Variants in EPB41L3 observed in about 807,000 individuals in gnomAD.
EPB41L3 encodes the protein band 4.1-like protein 3.
Under a neutral mutation model 127.1 loss-of-function variants are expected in EPB41L3, and 57 were observed. The observed-to-expected ratio is 0.45, with a 90% CI of 0.36 to 0.56. The LOEUF is 0.56. Ranked by LOEUF, EPB41L3 falls within the 20% of genes least tolerant of loss-of-function variation. The pLI is 0.00. For missense variants in EPB41L3, 1,273 were observed against 1,372.2 expected (o/e 0.93, Z 1.14); for synonymous variants, 572 against 549.5 (o/e 1.04, Z -0.57).
chr18:5,608,640 AG>A lies in EPB41L3; in HGVS notation c.-306+3699del, dbSNP rs1182178697. Among the ~76,000 whole-genome samples, 4 of 152,186 alleles carry A rather than the reference AG, an allele frequency of 2.6e-5. 1 individual carries two copies. Among genetic ancestry groups the A allele is most frequent in the Non-Finnish European group, 5.9e-5 (4 of 68,038 alleles). On this transcript the variant is annotated intron_variant, in intron 3 of 21. Transcript: ENST00000545076. ...AAGACCTGGCTCATAATCAATTTAA[AG>A]GGGGTAGGCTCTGGCTACCAATTAT...
intron 1 of EPB41L3, among the ~76,000 whole-genome samples, chr18:5,505,097 T>G (rs1343676907): frequency 6.6e-6 from 1 of 152,186 alleles, no homozygotes; most frequent in South Asian, 2.1e-4. Context: ...CCTATGACCA[T>G]GCATCTGTCA....
Position 5,489,254 on chromosome 18 carries a change from A to G in EPB41L3, c.-11-60T>C, listed in dbSNP as rs565529216. Reference sequence around the variant, plus strand: ...CGTGCCACTACCTTCCCTCTGCAAGAAAACTAGGATGCTCACCGTGAAAGG... The same window carrying G: ...CGTGCCACTACCTTCCCTCTGCAAGGAAACTAGGATGCTCACCGTGAAAGG... On this transcript the variant is annotated intron_variant, in intron 1 of 22. Transcript: ENST00000341928. 406 of 1,535,138 alleles carry G rather than the reference A, an allele frequency of 2.6e-4. 3 individuals are homozygous for G. In the South Asian group the frequency reaches 4.4e-3, roughly 17 times the overall value.
At chr18:5,604,098 T>A (rs1035304026) in intron 3 of EPB41L3, among the ~76,000 whole-genome samples, 1 of 152,054 alleles carries the variant, frequency 6.6e-6, no homozygotes, top group Admixed American at 6.6e-5. Context: ...CACATGTAAC[T>A]TCCACTCAGC....
Position 5,579,443 on chromosome 18 carries a change from C to T in EPB41L3, c.-306+32897G>A, listed in dbSNP as rs181340806. Among the ~76,000 whole-genome samples the T allele has an allele frequency of 1.4e-4, 21 of 152,238 alleles. 1 individual carries two copies. The East Asian group carries it at 4.1e-3, about 29-fold the overall frequency. On this transcript the variant is annotated intron_variant, in intron 3 of 21. Transcript: ENST00000545076. ...ACACCGATGAATACATATCATTAACCAAAGATTATTAGTAATCTAATTTTG... is the reference window on the plus strand; with the variant it reads ...ACACCGATGAATACATATCATTAACTAAAGATTATTAGTAATCTAATTTTG...
At chr18:5,437,004 A>G (rs1469401123) in intron 6 of EPB41L3, among the ~76,000 whole-genome samples, 3 of 152,172 alleles carry the variant, frequency 2.0e-5, no homozygotes, top group Non-Finnish European at 4.4e-5. Flanking sequence ...TTCTGCATAC[A>G]CTGCACAAAA....
chr18:5,580,105 C>T (rs1328823677), intron 3 of EPB41L3, among the ~76,000 whole-genome samples: 2 of 152,116 alleles, frequency 1.3e-5, no homozygotes, highest in East Asian at 3.9e-4. Context: ...CTCCATTGCC[C>T]ATGCTCTAAA....
intron 3 of EPB41L3, among the ~76,000 whole-genome samples, chr18:5,470,968 TG>T (rs1326675721): frequency 1.3e-5 from 2 of 152,090 alleles, no homozygotes; most frequent in South Asian, 4.2e-4. Context: ...TGGACTAAAG[TG>T]GGAAGCTTCC....
At chr18:5,540,550 AAAT>A (rs2093689567) in intron 1 of EPB41L3, 1 of 985,482 alleles carries the variant, frequency 1.0e-6, no homozygotes, top group Admixed American at 6.1e-5. Flanking sequence ...AAGGCAAATC[AAAT>A]AACAGCAGAA....
chr18:5,535,427 T>C (rs1205818847), intron 1 of EPB41L3, among the ~76,000 whole-genome samples: 1 of 152,254 alleles, frequency 6.6e-6, no homozygotes, highest in Non-Finnish European at 1.5e-5. Flanking sequence ...CCAAGTCTTA[T>C]ACTTAGCCAG....
intron 6 of EPB41L3, among the ~76,000 whole-genome samples, chr18:5,437,245 C>T (rs573392089): frequency 3.9e-5 from 6 of 152,188 alleles, no homozygotes; most frequent in Middle Eastern, 3.4e-3. Flanking sequence ...GGGATTAGTG[C>T]CCTTACAAGA....
intron 1 of EPB41L3, among the ~76,000 whole-genome samples, chr18:5,529,833 A>G (rs1393193679): frequency 3.3e-5 from 5 of 152,058 alleles, no homozygotes; most frequent in Non-Finnish European, 7.3e-5. Context: ...TGGCTGATAC[A>G]TGAAGGCTAC....
chr18:5,620,876 G>C (rs2094852927), intron 1 of EPB41L3, among the ~76,000 whole-genome samples: 1 of 152,218 alleles, frequency 6.6e-6, no homozygotes, highest in Non-Finnish European at 1.5e-5. Context: ...CATAGTCAGA[G>C]TAACCTTTCC....
chr18:5,492,155 A>G (rs2090671460), intron 1 of EPB41L3, among the ~76,000 whole-genome samples: 1 of 152,146 alleles, frequency 6.6e-6, no homozygotes, highest in South Asian at 2.1e-4. Flanking sequence ...CCCTGTCTCT[A>G]CTAAAAATAC....
At chr18:5,438,574 A>T (rs1485659571) in intron 5 of EPB41L3, among the ~76,000 whole-genome samples, 2 of 152,186 alleles carry the variant, frequency 1.3e-5, no homozygotes, top group Non-Finnish European at 2.9e-5. Context: ...ATGTCAAGGG[A>T]CTATTCAACA....
intron 3 of EPB41L3, among the ~76,000 whole-genome samples, chr18:5,604,277 G>C (rs2094623754): frequency 6.6e-6 from 1 of 151,284 alleles, no homozygotes; most frequent in Non-Finnish European, 1.5e-5. Context: ...TGATCCCATA[G>C]CAGCAACAGT....
chr18:5,594,662 A>C (rs747885397), intron 3 of EPB41L3, among the ~76,000 whole-genome samples: 8 of 152,204 alleles, frequency 5.3e-5, no homozygotes, highest in Non-Finnish European at 1.2e-4. Flanking sequence ...CAGACTAAAA[A>C]ACCAGCTTTC....
chr18:5,523,142 C>T (rs1203543686), intron 1 of EPB41L3, among the ~76,000 whole-genome samples: 1 of 152,194 alleles, frequency 6.6e-6, no homozygotes. Flanking sequence ...AAGCATCACA[C>T]AAGGGCCACA....
At chr18:5,548,350 C>T (rs1452740871), upstream of EPB41L3, among the ~76,000 whole-genome samples, 1 of 152,126 alleles carries the variant, frequency 6.6e-6, no homozygotes, top group East Asian at 1.9e-4. Context: ...AGTTTGTATA[C>T]CCCATTTCAG....
chr18:5,453,917 C>T (rs575235050), intron 3 of EPB41L3, among the ~76,000 whole-genome samples: 38 of 152,104 alleles, frequency 2.5e-4, no homozygotes, highest in Non-Finnish European at 4.3e-4. Flanking sequence ...ATGCTTCCTG[C>T]CCTAATTGCA....
Sources: gnomAD v4.1 joint callset for allele counts (sites outside exome capture counted in the v4.1 genomes callset) on GRCh38, gnomAD v4.1.1 for gene constraint, MANE v1.5 for transcripts, NCBI Gene and HGNC (gene_info 2026-07-23, HGNC 2026-07-21) for gene names.